The following ITGA8 variants were observed in gnomAD, a reference collection of about 807,000 sequenced individuals.
The protein encoded by ITGA8 is integrin subunit alpha 8, also known as integrin alpha-8.
In ITGA8, 91 loss-of-function variants were observed where a neutral mutation model predicts 142.3. That is an observed-to-expected ratio of 0.64 (90% confidence interval 0.54 to 0.76). The LOEUF is 0.76. ITGA8 is among the 30% of genes least tolerant of loss of function. The pLI is 0.00. For synonymous variants in ITGA8, 505 were observed against 485.2 expected (o/e 1.04, Z -0.54); for missense variants, 1,406 against 1,327.7 (o/e 1.06, Z -0.92).
chr10:15,527,932 T>TTTC (rs1400076035), intron 28 of ITGA8, among the ~76,000 whole-genome samples: 3 of 141,708 alleles, frequency 2.1e-5, no homozygotes, highest in African/African-American at 5.3e-5. Flanking sequence ...TTTTTTTTTT[T>TTTC]TGAGACAGGT....
At chr10:15,563,025 G>C (rs1192856927) in intron 25 of ITGA8, among the ~76,000 whole-genome samples, 1 of 152,166 alleles carries the variant, frequency 6.6e-6, no homozygotes, top group Non-Finnish European at 1.5e-5. Context: ...ATGAGATCTA[G>C]TTGTTTAAAA....
chr10:15,558,929 T>G (rs1833929000), intron 25 of ITGA8, among the ~76,000 whole-genome samples: 1 of 152,158 alleles, frequency 6.6e-6, no homozygotes, highest in Non-Finnish European at 1.5e-5. Flanking sequence ...ATTCTTTATT[T>G]TAGACCCACT....
At chr10:15,607,085 G>A (rs1833209284) in intron 17 of ITGA8, among the ~76,000 whole-genome samples, 1 of 152,080 alleles carries the variant, frequency 6.6e-6, no homozygotes, top group Admixed American at 6.6e-5. Flanking sequence ...CCCTAGGGTG[G>A]TCCTTGCTAA....
intron 14 of ITGA8, among the ~76,000 whole-genome samples, chr10:15,614,619 C>T (rs1045313925): frequency 2.6e-5 from 4 of 152,106 alleles, no homozygotes; most frequent in African/African-American, 7.2e-5. Flanking sequence ...GATTTTAAAG[C>T]TTGGTTCCAA....
chr10:15,607,369 TG>T (rs899483045), intron 17 of ITGA8, among the ~76,000 whole-genome samples: 1 of 152,182 alleles, frequency 6.6e-6, no homozygotes, highest in Non-Finnish European at 1.5e-5. Context: ...TCACATAAAC[TG>T]TGTTGCACTT....
At chr10:15,652,097 CTTTATAACAG>C (rs1327474998) in intron 11 of ITGA8, among the ~76,000 whole-genome samples, 1 of 152,192 alleles carries the variant, frequency 6.6e-6, no homozygotes, top group African/African-American at 2.4e-5. Flanking sequence ...GAAATTATTA[CTTTATAACAG>C]TTCTGTGTTT....
intron 28 of ITGA8, among the ~76,000 whole-genome samples, chr10:15,520,356 T>C (rs900778507): frequency 6.6e-6 from 1 of 152,196 alleles, no homozygotes; most frequent in African/African-American, 2.4e-5. Context: ...GAGGTTGTAG[T>C]GAGCCAAGAT....
At chr10:15,600,690 A>G (rs577595324) in intron 20 of ITGA8, among the ~76,000 whole-genome samples, 1 of 152,282 alleles carries the variant, frequency 6.6e-6, no homozygotes, top group South Asian at 2.1e-4. Context: ...TGTAATTTAG[A>G]AAGATGGATT....
At chr10:15,678,955 T>A (rs1192242321) in intron 4 of ITGA8, among the ~76,000 whole-genome samples, 172 bp from the exon 5 acceptor site, 2 of 152,224 alleles carry the variant, frequency 1.3e-5, no homozygotes, top group African/African-American at 4.8e-5. Flanking sequence ...TTAAACATAT[T>A]TCTGTCTGTT....
intron 28 of ITGA8, among the ~76,000 whole-genome samples, chr10:15,523,684 T>C (rs1833109926): frequency 6.7e-6 from 1 of 149,196 alleles, no homozygotes; most frequent in Non-Finnish European, 1.5e-5. Flanking sequence ...CTGAGACAGA[T>C]GGATCACTTG....
Position 15,598,138 on chromosome 10 carries a change from C to T in ITGA8, c.2119-839G>A, listed in dbSNP as rs1319354. Among the ~76,000 whole-genome samples, 1,240 of 152,162 alleles carry T rather than the reference C, an allele frequency of 8.1e-3. 17 individuals carry two copies. Among genetic ancestry groups the T allele is most frequent in the African/African-American group, 0.027 (1,136 of 41,536 alleles). On this transcript the variant is annotated intron_variant, in intron 20 of 29. Transcript: ENST00000378076. ...TGCAGCCATAGCTACTTACATTTTT[C>T]CATTATTTCAGTCTAACTTGTTATG...
intron 25 of ITGA8, among the ~76,000 whole-genome samples, chr10:15,563,555 C>T (rs935709535): frequency 5.9e-5 from 9 of 152,106 alleles, no homozygotes; most frequent in Admixed American, 3.9e-4. Context: ...ACTCTTTATT[C>T]CCAAGATATA....
At chr10:15,647,111 A>G (rs1310413975) in intron 11 of ITGA8, 60 bp from the exon 12 acceptor site, 1 of 1,290,096 alleles carries the variant, frequency 7.8e-7, no homozygotes, top group Non-Finnish European at 1.1e-6. Flanking sequence ...ACTTTGGGTT[A>G]TTTGTAATCA....
intron 8 of ITGA8, among the ~76,000 whole-genome samples, chr10:15,667,728 T>C (rs1834423930): frequency 6.6e-6 from 1 of 152,188 alleles, no homozygotes; most frequent in African/African-American, 2.4e-5. Context: ...GTCTTTGTTC[T>C]CGTTGGTTTC....
At chr10:15,630,067 T>C (rs1211305159) in intron 13 of ITGA8, among the ~76,000 whole-genome samples, 1 of 152,056 alleles carries the variant, frequency 6.6e-6, no homozygotes, top group African/African-American at 2.4e-5. Flanking sequence ...CGATTGACAC[T>C]GGTGAAGGCA....
intron 28 of ITGA8, among the ~76,000 whole-genome samples, chr10:15,530,372 C>T (rs986324718): frequency 6.6e-6 from 1 of 151,770 alleles, no homozygotes; most frequent in Non-Finnish European, 1.5e-5. Flanking sequence ...ATGGTGAAAC[C>T]CTGTCTCTAT....
chr10:15,673,374 C>T (rs1312360383), intron 6 of ITGA8, among the ~76,000 whole-genome samples: 4 of 152,080 alleles, frequency 2.6e-5, no homozygotes, highest in African/African-American at 4.8e-5. Context: ...TGAGCCACAG[C>T]GCCCGGCCAT....
chr10:15,592,369 A>G (rs935518435), intron 21 of ITGA8, 65 bp from the exon 22 acceptor site: 5 of 1,232,742 alleles, frequency 4.1e-6, no homozygotes, highest in Middle Eastern at 4.0e-4. Context: ...TTTGTAAGTC[A>G]TTCCTGCAAA....
chr10:15,532,418 C>CAAAAAAAAAAAAAAAAAAA lies in ITGA8; in HGVS notation c.2881-1286_2881-1268dup, dbSNP rs35130036. On this transcript the variant is annotated intron_variant, in intron 27 of 29. Coordinates refer to ENST00000378076, the MANE Select transcript of ITGA8 (RefSeq NM_003638.3). ...TGCGCAACCGAGTGAGACTCCCTCT[C>CAAAAAAAAAAAAAAAAAAA]AAAAAAAAAAAAAAAAAAAAAAAAA... 1.8e-4 allele frequency among the ~76,000 whole-genome samples: 5 copies of CAAAAAAAAAAAAAAAAAAA among 27,838 alleles called. 1 individual carries two copies. The highest frequency in any genetic ancestry group is 8.4e-4 in the African/African-American group (4 of 4,758). The allele number at this position is 27,838 out of a possible 152,430, so 18.3% of individuals were successfully genotyped here. A position where few individuals can be genotyped will look rare whatever the true frequency, so the allele number is the denominator to read the frequency against.
Sources: gnomAD v4.1 joint callset for allele counts (sites outside exome capture counted in the v4.1 genomes callset) on GRCh38, gnomAD v4.1.1 for gene constraint, MANE v1.5 for transcripts, NCBI Gene and HGNC (gene_info 2026-07-23, HGNC 2026-07-21) for gene names.